The following OPA1 variants were observed in gnomAD, a reference collection of about 807,000 sequenced individuals.
The protein encoded by OPA1 is OPA1 mitochondrial dynamin like GTPase.
Under a neutral mutation model 152.9 loss-of-function variants are expected in OPA1, and 59 were observed. The observed-to-expected ratio is 0.39, with a 90% CI of 0.31 to 0.48. The LOEUF (loss-of-function observed/expected upper bound fraction) is 0.48, where lower values mean the gene tolerates loss of function less well. Ranked by LOEUF, OPA1 falls within the 20% of genes least tolerant of loss-of-function variation. The pLI is 0.96. For synonymous variants in OPA1, 400 were observed against 389.9 expected (o/e 1.03, Z -0.31); for missense variants, 1,008 against 1,216.8 (o/e 0.83, Z 2.55).
intron 26 of OPA1, among the ~76,000 whole-genome samples, chr3:193,664,514 A>G (rs1716068457): frequency 6.6e-6 from 1 of 151,880 alleles, no homozygotes; most frequent in Non-Finnish European, 1.5e-5. Flanking sequence ...TTAAGTTCTA[A>G]CTCTGTTTTT....
rs1560391614 is a variant in OPA1, at chr3:193,654,848, C to T, written c.2013-14C>T. ...ATATTTAGATTTGGTGCTTTTGATA[C>T]TTTTTTATTTCAGGGAGGAAATCCT... On this transcript the variant is annotated splice_polypyrimidine_tract_variant and intron_variant, in intron 21 of 30. Coordinates refer to ENST00000361510, the MANE Select transcript of OPA1 (RefSeq NM_130837.3). 1 of 1,612,530 alleles carries T rather than the reference C, an allele frequency of 6.2e-7. No homozygotes were observed. The highest frequency in any genetic ancestry group is 1.7e-5 in the Admixed American group (1 of 59,952).
intron 5 of OPA1, 64 bp downstream of exon 5, chr3:193,617,901 G>A (rs1729324026): frequency 8.2e-7 from 1 of 1,218,002 alleles, no homozygotes; most frequent in African/African-American, 1.5e-5. Context: ...TAAACTAGTT[G>A]CAAATAAAAT....
chr3:193,631,895 C>A, intron 8 of OPA1: 1 of 575,260 alleles, frequency 1.7e-6, no homozygotes, highest in South Asian at 2.5e-5. Context: ...TTGAGTGAAT[C>A]TTATGCCCAA....
chr3:193,606,413 C>T (rs1264539663), intron 1 of OPA1, among the ~76,000 whole-genome samples: 1 of 139,926 alleles, frequency 7.1e-6, no homozygotes, highest in Non-Finnish European at 1.6e-5. Context: ...CTATCCCTCC[C>T]CCCTCCCCCA....
chr3:193,642,698 T>C, intron 11 of OPA1, 67 bp from the exon 12 acceptor site: 1 of 1,182,420 alleles, frequency 8.5e-7, no homozygotes, highest in Non-Finnish European at 1.3e-6. Flanking sequence ...CTAGACCACA[T>C]ACGGGCTGTG....
intron 11 of OPA1, among the ~76,000 whole-genome samples, chr3:193,640,931 T>C (rs907591717): frequency 6.6e-6 from 1 of 152,176 alleles, no homozygotes; most frequent in African/African-American, 2.4e-5. Context: ...GATTGCACTT[T>C]TGTGGGTCTA....
chr3:193,648,163 A>G (rs769354579), intron 20 of OPA1, 29 bp downstream of exon 20: 5 of 1,496,898 alleles, frequency 3.3e-6, no homozygotes, highest in Non-Finnish European at 4.7e-6. Context: ...TGTATTTTGT[A>G]TATATCTTAA....
At chr3:193,647,502 G>C (rs1341289449) in intron 19 of OPA1, among the ~76,000 whole-genome samples, 1 of 152,168 alleles carries the variant, frequency 6.6e-6, no homozygotes. Context: ...AGATGTGTTG[G>C]GAAGCAGAGC....
chr3:193,688,470 T>C (rs1721236842), intron 29 of OPA1, among the ~76,000 whole-genome samples: 1 of 56,010 alleles, frequency 1.8e-5, no homozygotes, highest in African/African-American at 9.4e-5. Flanking sequence ...TTTTTTTTTT[T>C]TTTTTTTTTT....
chr3:193,644,354 A>G (rs555257838), intron 16 of OPA1, among the ~76,000 whole-genome samples: 17 of 152,262 alleles, frequency 1.1e-4, no homozygotes, highest in African/African-American at 3.9e-4. Flanking sequence ...TAATTCCTCC[A>G]GCAACAAGCT....
At chr3:193,681,836 G>T (rs942047187) in intron 29 of OPA1, among the ~76,000 whole-genome samples, 8 of 152,046 alleles carry the variant, frequency 5.3e-5, no homozygotes. Context: ...GTGTATTCTG[G>T]CTGTTCCACC....
chr3:193,683,536 T>C (rs185222649), intron 29 of OPA1, among the ~76,000 whole-genome samples: 1 of 152,140 alleles, frequency 6.6e-6, no homozygotes, highest in African/African-American at 2.4e-5. Context: ...CACATCCTAC[T>C]GTGAAATCTT....
At chr3:193,604,721 G>A (rs1364946796) in intron 1 of OPA1, among the ~76,000 whole-genome samples, 5 of 151,638 alleles carry the variant, frequency 3.3e-5, no homozygotes, top group Non-Finnish European at 7.4e-5. Flanking sequence ...TTAGCCAGGC[G>A]TGGTGGTGCA....
At chr3:193,612,738 A>C (rs1728445950) in intron 1 of OPA1, among the ~76,000 whole-genome samples, 1 of 152,080 alleles carries the variant, frequency 6.6e-6, no homozygotes, top group African/African-American at 2.4e-5. Flanking sequence ...GGAGTCCCAG[A>C]CTCCTTGGAT....
At chr3:193,663,563 C>A (rs2109239256) in intron 26 of OPA1, among the ~76,000 whole-genome samples, 1 of 152,206 alleles carries the variant, frequency 6.6e-6, no homozygotes, top group East Asian at 1.9e-4. Flanking sequence ...TTAAAAACTA[C>A]ATTCTCTACT....
intron 8 of OPA1, chr3:193,631,904 A>T: frequency 1.8e-6 from 1 of 570,368 alleles, no homozygotes; most frequent in Admixed American, 3.3e-5. Context: ...TCTTATGCCC[A>T]AAAGGGAGAA....
chr3:193,668,784 T>C, intron 29 of OPA1: 2 of 1,192,134 alleles, frequency 1.7e-6, no homozygotes, highest in Non-Finnish European at 2.1e-6. Context: ...ACTTTGTCAC[T>C]GTTTGGGGTT....
intron 1 of OPA1, among the ~76,000 whole-genome samples, chr3:193,606,807 G>A (rs1727357486): frequency 6.6e-6 from 1 of 152,160 alleles, no homozygotes; most frequent in African/African-American, 2.4e-5. Flanking sequence ...GGGTCAAACG[G>A]TATTTCTAGT....
At chr3:193,610,619 G>T (rs940079588) in intron 1 of OPA1, among the ~76,000 whole-genome samples, 1 of 152,214 alleles carries the variant, frequency 6.6e-6, no homozygotes, top group Non-Finnish European at 1.5e-5. Flanking sequence ...GTTCGGCTAT[G>T]CCCTGCCTGC....
Sources: gnomAD v4.1 joint callset for allele counts (sites outside exome capture counted in the v4.1 genomes callset) on GRCh38, gnomAD v4.1.1 for gene constraint, MANE v1.5 for transcripts, NCBI Gene and HGNC (gene_info 2026-07-23, HGNC 2026-07-21) for gene names.